PTPN22: variants seen among roughly 807,000 people sequenced by gnomAD.
The protein encoded by PTPN22 is protein tyrosine phosphatase non-receptor type 22, also known as tyrosine-protein phosphatase non-receptor type 22.
Under a neutral mutation model 103.3 loss-of-function variants are expected in PTPN22, and 85 were observed. The observed-to-expected ratio is 0.82, with a 90% CI of 0.69 to 0.99. The LOEUF is 0.99. Among genes scored for constraint, PTPN22 ranks in the 50% least tolerant of loss-of-function variants. The pLI is 0.00. For missense variants in PTPN22, 865 were observed against 936.9 expected, an observed-to-expected ratio of 0.92 and a Z score of 1.00; for synonymous variants, 323 against 310.2, an observed-to-expected ratio of 1.04 and a Z score of -0.43.
Position 113,833,143 on chromosome 1 carries a change from A to T in PTPN22, c.2026-5T>A. The stretch of plus-strand genomic sequence containing the variant: ...AGGACTTCGGAGTTTTACACTCTAA[A>T]AGAAAAAAAGAAAGGAAAAGTGAAA... On this transcript the variant is annotated splice_polypyrimidine_tract_variant and splice_region_variant and intron_variant, in intron 15 of 20. Transcript: ENST00000359785. The T allele has an allele frequency of 6.5e-7, 1 of 1,546,152 alleles. No homozygotes were observed. The highest frequency in any genetic ancestry group is 8.8e-7 in the Non-Finnish European group (1 of 1,131,068).
At chr1:113,864,375 G>A (rs1321183292) in intron 1 of PTPN22, 1 of 222,392 alleles carries the variant, frequency 4.5e-6, no homozygotes, top group Non-Finnish European at 9.1e-6. Context: ...GGGTGACAGA[G>A]CAAGACCCTG....
At chr1:113,837,680 G>C in exon 13 of PTPN22, 1 of 1,603,018 alleles carries the variant, frequency 6.2e-7, no homozygotes, top group Non-Finnish European at 8.5e-7. Context: ...TAAGAGAAGA[G>C]GGATGTAGAG....
chr1:113,824,966 CAAAAAAA>C (rs35424386), intron 19 of PTPN22, among the ~76,000 whole-genome samples, 169 bp downstream of exon 19: 1 of 65,152 alleles, frequency 1.5e-5, no homozygotes, highest in Non-Finnish European at 3.0e-5. Flanking sequence ...TGAAGCCTAG[CAAAAAAA>C]AAAAAAAAAA....
At chr1:113,814,847 T>C (rs1571321398) in exon 21 of PTPN22, 1 of 1,238,470 alleles carries the variant, frequency 8.1e-7, no homozygotes, top group East Asian at 2.3e-5. Flanking sequence ...AGCAGTATTC[T>C]AGTAGTTTTA....
chr1:113,844,923 A>G (rs1198612539), intron 11 of PTPN22, among the ~76,000 whole-genome samples: 2 of 151,984 alleles, frequency 1.3e-5, no homozygotes, highest in Admixed American at 6.6e-5. Context: ...GGCTCAAGCA[A>G]TCCTCCCACC....
At chr1:113,859,315 G>T in intron 2 of PTPN22, 37 bp downstream of exon 2, 1 of 1,576,582 alleles carries the variant, frequency 6.3e-7, no homozygotes, top group Non-Finnish European at 8.7e-7. Flanking sequence ...TTGAATTTGG[G>T]AGAAAGTATG....
intron 19 of PTPN22, among the ~76,000 whole-genome samples, chr1:113,820,724 A>G (rs1426422505): frequency 6.6e-6 from 1 of 152,138 alleles, no homozygotes; most frequent in African/African-American, 2.4e-5. Flanking sequence ...CTTTCTAACA[A>G]ATTGCATATA....
intron 11 of PTPN22, among the ~76,000 whole-genome samples, chr1:113,841,027 C>A (rs1663497906): frequency 6.6e-6 from 1 of 152,106 alleles, no homozygotes; most frequent in East Asian, 1.9e-4. Flanking sequence ...GAGTTTGAGA[C>A]CAGCCTGACC....
intron 5 of PTPN22, 41 bp downstream of exon 5, chr1:113,857,697 T>A (rs1665199611): frequency 1.3e-6 from 2 of 1,575,864 alleles, no homozygotes; most frequent in South Asian, 2.2e-5. Context: ...TTTTCTTCTT[T>A]CCTTTGTTTT....
Position 113,859,484 on chromosome 1 carries a change from T to C in PTPN22, c.88-24A>G, listed in dbSNP as rs569537672. On this transcript the variant is annotated intron_variant, in intron 1 of 20. Coordinates refer to ENST00000359785, the Ensembl canonical transcript of PTPN22. ...TTCTGTAATAAGATTCCAAGAAAAA[T>C]TAATCTTCCTAGAGAAATGAGGTAA... The C allele has an allele frequency of 2.6e-6, 4 of 1,559,746 alleles. No individual in the cohort carries two copies. The South Asian group carries it at 4.4e-5, about 17-fold the overall frequency.
At chr1:113,857,866 C>T in intron 4 of PTPN22, 90 bp from the exon 5 acceptor site, 1 of 1,212,674 alleles carries the variant, frequency 8.2e-7, no homozygotes, top group Non-Finnish European at 1.2e-6. Flanking sequence ...AAAGTATTAA[C>T]CGTTCTTTTT....
At chr1:113,860,455 C>CTTTATTCAAA (rs1236003525) in intron 1 of PTPN22, among the ~76,000 whole-genome samples, 3 of 152,078 alleles carry the variant, frequency 2.0e-5, no homozygotes, top group Non-Finnish European at 4.4e-5. Flanking sequence ...ATAAAGAGAG[C>CTTTATTCAAA]CTACTGTAGT....
At chr1:113,848,195 T>C (rs1179447665) in intron 11 of PTPN22, among the ~76,000 whole-genome samples, 1 of 151,072 alleles carries the variant, frequency 6.6e-6, no homozygotes, top group African/African-American at 2.4e-5. Flanking sequence ...ACTACAGGTA[T>C]GCCCCACCAC....
At chr1:113,869,696 G>C (rs929510965) in intron 1 of PTPN22, among the ~76,000 whole-genome samples, 1 of 152,062 alleles carries the variant, frequency 6.6e-6, no homozygotes, top group East Asian at 1.9e-4. Context: ...CCCCCGGCCA[G>C]TCTACATTAT....
At chr1:113,835,514 T>C (rs1662922134) in intron 13 of PTPN22, among the ~76,000 whole-genome samples, 1 of 151,998 alleles carries the variant, frequency 6.6e-6, no homozygotes, top group Admixed American at 6.6e-5. Flanking sequence ...GGACACTCCG[T>C]CTCAAAAAAT....
chr1:113,833,111 C>T, exon 16 of PTPN22: 1 of 1,565,896 alleles, frequency 6.4e-7, no homozygotes, highest in Non-Finnish European at 8.8e-7. Context: ...AAATTTTTAC[C>T]TGATTTAGGA....
intron 11 of PTPN22, among the ~76,000 whole-genome samples, chr1:113,847,658 A>G (rs1345164233): frequency 2.6e-5 from 4 of 151,280 alleles, no homozygotes; most frequent in African/African-American, 9.7e-5. Flanking sequence ...AGATCACTGC[A>G]ACCTCCGCCT....
intron 14 of PTPN22, 36 bp downstream of exon 14, chr1:113,834,874 C>G (rs377351123): frequency 6.8e-7 from 1 of 1,464,320 alleles, no homozygotes; most frequent in Non-Finnish European, 9.3e-7. Context: ...CATGCCCATC[C>G]CACACTTTAT....
intron 9 of PTPN22, among the ~76,000 whole-genome samples, chr1:113,853,352 C>CTTTTTTTTTTT (rs1314425403): frequency 7.7e-6 from 1 of 130,324 alleles, no homozygotes; most frequent in Non-Finnish European, 1.6e-5. Context: ...CTTTTTCTTT[C>CTTTTTTTTTTT]TTTTTTTTTT....
Sources: gnomAD v4.1 joint callset for allele counts (sites outside exome capture counted in the v4.1 genomes callset) on GRCh38, gnomAD v4.1.1 for gene constraint, MANE v1.5 for transcripts, NCBI Gene and HGNC (gene_info 2026-07-23, HGNC 2026-07-21) for gene names.